MAGI2: variants seen among roughly 807,000 people sequenced by gnomAD.
MAGI2 encodes membrane-associated guanylate kinase, WW and PDZ domain-containing protein 2.
MAGI2 carries 35 observed loss-of-function variants against 133.3 expected under a neutral mutation model. That is an observed-to-expected ratio of 0.26 (90% CI 0.20 to 0.35). MAGI2 has a LOEUF of 0.35. Among genes scored for constraint, MAGI2 ranks in the 10% least tolerant of loss-of-function variants. The pLI is 1.00. For missense variants in MAGI2, 1,636 were observed against 1,863.4 expected (o/e 0.88, Z 2.25); for synonymous variants, 729 against 710.6 (o/e 1.03, Z -0.41).
At position 79,080,467 on chromosome 7, in the gene MAGI2, A is replaced by G. The variant is rs550315713; in HGVS notation, c.302-73261T>C. Among the ~76,000 whole-genome samples the G allele has an allele frequency of 1.1e-4, 17 of 152,320 alleles. No individual in the cohort carries two copies. In the South Asian group the frequency reaches 1.9e-3, roughly 17 times the overall value. On this transcript the variant is annotated intron_variant, in intron 1 of 21. Coordinates refer to ENST00000354212, the MANE Select transcript of MAGI2 (RefSeq NM_012301.4). ...CTACTCAGACATAATAATATCTGCTAGAAGCACCAAATTATTGGTTGTGAA... is the reference window on the plus strand; with the variant it reads ...CTACTCAGACATAATAATATCTGCTGGAAGCACCAAATTATTGGTTGTGAA...
At chr7:79,386,459 G>A (rs1844188068) in intron 1 of MAGI2, among the ~76,000 whole-genome samples, 1 of 151,942 alleles carries the variant, frequency 6.6e-6, no homozygotes, top group Admixed American at 6.6e-5. Context: ...GTGATTGACA[G>A]CAGAGCTAAT....
chr7:78,033,486 A>AAG (rs1453276715), intron 21 of MAGI2, among the ~76,000 whole-genome samples: 13 of 145,824 alleles, frequency 8.9e-5, no homozygotes, highest in South Asian at 2.2e-4. Flanking sequence ...AAAAAAAAAA[A>AAG]AAAAAAGAAA....
intron 3 of MAGI2, among the ~76,000 whole-genome samples, chr7:78,609,673 A>G (rs1407868673): frequency 6.6e-6 from 1 of 152,182 alleles, no homozygotes; most frequent in Non-Finnish European, 1.5e-5. Flanking sequence ...CCTGAGGGGT[A>G]TGGACCATTT....
chr7:78,454,084 C>G (rs941666995), intron 6 of MAGI2, among the ~76,000 whole-genome samples: 1 of 152,144 alleles, frequency 6.6e-6, no homozygotes, highest in Admixed American at 6.6e-5. Flanking sequence ...CATGTCAGAG[C>G]TGTCACTGTA....
At chr7:78,763,904 G>C (rs1174435334) in intron 2 of MAGI2, among the ~76,000 whole-genome samples, 5 of 152,120 alleles carry the variant, frequency 3.3e-5, no homozygotes, top group Non-Finnish European at 7.4e-5. Flanking sequence ...CATGTATGCA[G>C]CTTGATATTT....
At chr7:78,172,062 C>T (rs1030886900) in intron 14 of MAGI2, among the ~76,000 whole-genome samples, 3 of 152,174 alleles carry the variant, frequency 2.0e-5, no homozygotes, top group Non-Finnish European at 4.4e-5. Flanking sequence ...CTTTATCTCT[C>T]GCTGTGAGGG....
intron 2 of MAGI2, among the ~76,000 whole-genome samples, chr7:78,663,847 C>T (rs1252217646): frequency 3.9e-5 from 6 of 152,158 alleles, no homozygotes. Context: ...GGTGTCATGA[C>T]TAATCTCCCT....
At chr7:78,893,503 G>A (rs1338239170) in intron 2 of MAGI2, among the ~76,000 whole-genome samples, 1 of 152,086 alleles carries the variant, frequency 6.6e-6, no homozygotes. Flanking sequence ...ACGATAGACT[G>A]GATTAAGAAA....
At chr7:78,288,132 T>C (rs979539595) in intron 9 of MAGI2, among the ~76,000 whole-genome samples, 7 of 152,154 alleles carry the variant, frequency 4.6e-5, no homozygotes, top group Non-Finnish European at 7.4e-5. Context: ...ATAAGCAGAA[T>C]AGAAAACATT....
intron 5 of MAGI2, chr7:78,490,084 A>G (rs1793461500): frequency 1.5e-5 from 7 of 462,072 alleles, no homozygotes; most frequent in Admixed American, 1.1e-4. Context: ...AATGTTGCCA[A>G]GTTAACCTCA....
intron 1 of MAGI2, chr7:79,353,982 C>A (rs541357118): frequency 5.1e-4 from 79 of 153,732 alleles, no homozygotes; most frequent in Middle Eastern, 3.3e-3. Context: ...TCAATGCTGG[C>A]AGGCACTTCC....
chr7:78,191,068 GA>G (rs914446917), intron 12 of MAGI2, among the ~76,000 whole-genome samples: 21 of 152,120 alleles, frequency 1.4e-4, no homozygotes, highest in African/African-American at 5.1e-4. Context: ...TCTTTTCTGG[GA>G]ATTGGTAGTA....
chr7:78,079,201 G>A, intron 20 of MAGI2, 116 bp from the exon 21 acceptor site: 1 of 936,154 alleles, frequency 1.1e-6, no homozygotes. Flanking sequence ...CAATTTGGTG[G>A]CAGCCTGCTG....
chr7:79,299,482 G>T (rs1456482958), intron 1 of MAGI2, among the ~76,000 whole-genome samples: 1 of 138,524 alleles, frequency 7.2e-6, no homozygotes, highest in African/African-American at 2.7e-5. Context: ...CTTGAACCTG[G>T]GAGGTAGAGG....
intron 6 of MAGI2, among the ~76,000 whole-genome samples, chr7:78,434,567 T>C (rs1437468866): frequency 6.6e-6 from 1 of 152,046 alleles, no homozygotes; most frequent in Non-Finnish European, 1.5e-5. Flanking sequence ...GGAAAGGGAA[T>C]AAAAGGGGAG....
In MAGI2 at chr7:78,127,345, C is replaced by T; in HGVS notation, c.3275G>A (p.Arg1092Lys). 6.2e-7 allele frequency: 1 copy of T among 1,610,572 alleles called. No homozygotes were observed. The highest frequency in any genetic ancestry group is 8.5e-7 in the Non-Finnish European group (1 of 1,179,944). ...DIRQPPFTDY[R>K]QPPLDYRQPP... ...TTGCCTGTAATCCAGCGGGGGCTGC[C>T]TGTAGTCTGTGAATGGAGGCTGTCG... is the stretch of plus-strand genomic sequence containing the variant. Residue 1092 changes from arginine (R) to lysine (K), a missense_variant, in exon 19 of 22, where the codon AGG (arginine) becomes AAG (lysine). Transcript: ENST00000354212.
At chr7:78,416,629 ATGTC>A (rs1236572697) in intron 6 of MAGI2, among the ~76,000 whole-genome samples, 1 of 152,134 alleles carries the variant, frequency 6.6e-6, no homozygotes, top group Non-Finnish European at 1.5e-5. Context: ...AAACCATTGA[ATGTC>A]TGTGTCCCTC....
At chr7:79,367,878 T>TATATATA (rs1446885185) in intron 1 of MAGI2, among the ~76,000 whole-genome samples, 3 of 116,586 alleles carry the variant, frequency 2.6e-5, no homozygotes, top group African/African-American at 7.2e-5. Flanking sequence ...TATATATATG[T>TATATATA]CATTGACTGG....
At chr7:79,353,224 C>T (rs554586780) in intron 1 of MAGI2, among the ~76,000 whole-genome samples, 8 of 152,142 alleles carry the variant, frequency 5.3e-5, no homozygotes, top group South Asian at 2.1e-4. Context: ...GGTGGGGATG[C>T]GGCTCAGAGT....
Sources: gnomAD v4.1 joint callset for allele counts (sites outside exome capture counted in the v4.1 genomes callset) on GRCh38, gnomAD v4.1.1 for gene constraint, MANE v1.5 for transcripts, NCBI Gene and HGNC (gene_info 2026-07-23, HGNC 2026-07-21) for gene names.